MAGI2: variants seen among roughly 807,000 people sequenced by gnomAD.
MAGI2 encodes membrane-associated guanylate kinase, WW and PDZ domain-containing protein 2.
A neutral mutation model predicts 133.3 loss-of-function variants in MAGI2; 35 were observed. The ratio of observed to expected loss-of-function variants is 0.26; its 90% CI spans 0.20 to 0.35. MAGI2 has a LOEUF of 0.35. MAGI2 is among the 10% of genes least tolerant of loss of function. The pLI, the probability that MAGI2 is intolerant of heterozygous loss-of-function variation, is 1.00. For synonymous variants in MAGI2, 729 were observed against 710.6 expected (o/e 1.03, Z -0.41); for missense variants, 1,636 against 1,863.4 (o/e 0.88, Z 2.25).
intron 1 of MAGI2, among the ~76,000 whole-genome samples, chr7:79,192,546 T>C (rs560080014): frequency 6.6e-6 from 1 of 151,860 alleles, no homozygotes; most frequent in African/African-American, 2.4e-5. Context: ...CATAAAGTGG[T>C]TAGAAAAGGC....
intron 2 of MAGI2, chr7:78,946,979 C>T (rs1422282856): frequency 6.6e-6 from 1 of 151,926 alleles, no homozygotes; most frequent in Non-Finnish European, 1.5e-5. Context: ...TATAATTAAC[C>T]ATGGAAATTA....
chr7:79,020,739 C>T (rs1215840884), intron 1 of MAGI2, among the ~76,000 whole-genome samples: 1 of 146,358 alleles, frequency 6.8e-6, no homozygotes, highest in African/African-American at 2.5e-5. Context: ...GCACTGCAAC[C>T]TGGGTGACAG....
intron 2 of MAGI2, among the ~76,000 whole-genome samples, chr7:78,928,495 A>G (rs1214128078): frequency 6.6e-6 from 1 of 151,996 alleles, no homozygotes; most frequent in Admixed American, 6.6e-5. Context: ...TAATATTTAT[A>G]CACCCTTTTT....
At chr7:78,966,039 GTTGGTGGCA>G (rs1400645821) in intron 2 of MAGI2, among the ~76,000 whole-genome samples, 1 of 152,070 alleles carries the variant, frequency 6.6e-6, no homozygotes, top group Non-Finnish European at 1.5e-5. Context: ...TTCCCCAGAT[GTTGGTGGCA>G]TTCCCTGACT....
chr7:78,416,529 G>C (rs749932131), intron 6 of MAGI2, among the ~76,000 whole-genome samples: 3 of 152,108 alleles, frequency 2.0e-5, no homozygotes, highest in Non-Finnish European at 4.4e-5. Context: ...TTAAGTTATA[G>C]TAATTATAGT....
intron 1 of MAGI2, among the ~76,000 whole-genome samples, chr7:79,290,186 T>C (rs1289294137): frequency 6.6e-6 from 1 of 152,046 alleles, no homozygotes; most frequent in African/African-American, 2.4e-5. Context: ...TTGTTATTAT[T>C]GGTTACAATG....
At chr7:78,321,663 A>T (rs1788016577) in intron 9 of MAGI2, among the ~76,000 whole-genome samples, 1 of 152,190 alleles carries the variant, frequency 6.6e-6, no homozygotes, top group African/African-American at 2.4e-5. Context: ...AAATCATAAA[A>T]ACCCTAGAAG....
intron 3 of MAGI2, among the ~76,000 whole-genome samples, chr7:78,622,980 T>C (rs1807910056): frequency 6.6e-6 from 1 of 152,044 alleles, no homozygotes; most frequent in Non-Finnish European, 1.5e-5. Flanking sequence ...AAAAGGTGTC[T>C]GAAGAAGATT....
intron 9 of MAGI2, among the ~76,000 whole-genome samples, chr7:78,271,575 G>C (rs141743358): frequency 2.6e-5 from 4 of 152,096 alleles, no homozygotes; most frequent in African/African-American, 4.8e-5. Flanking sequence ...CTGTGAATCT[G>C]TCTGGTCCTG....
intron 9 of MAGI2, among the ~76,000 whole-genome samples, chr7:78,309,787 CT>C (rs1313905168): frequency 6.6e-6 from 1 of 152,190 alleles, no homozygotes; most frequent in Non-Finnish European, 1.5e-5. Context: ...GGCTTCCTGG[CT>C]GCATGATCTC....
intron 1 of MAGI2, among the ~76,000 whole-genome samples, chr7:79,040,236 T>A (rs1811529842): frequency 6.6e-6 from 1 of 151,996 alleles, no homozygotes; most frequent in South Asian, 2.1e-4. Context: ...CCTGCCACCT[T>A]GTGAAGAAGG....
rs1443691073 is a variant in MAGI2, at chr7:79,012,179, T to A, written c.302-4973A>T. 4 of 152,212 alleles carry A rather than the reference T, an allele frequency of 2.6e-5. No homozygotes were observed. In the East Asian group the frequency reaches 5.8e-4, roughly 22 times the overall value. 9.4% of individuals were successfully genotyped at this position (152,212 alleles called of 1,614,324 possible). On this transcript the variant is annotated intron_variant, in intron 1 of 21. Coordinates refer to ENST00000354212, the MANE Select transcript of MAGI2 (RefSeq NM_012301.4). ...GAAGAAATTACCCATAATTTCTCCC[T>A]CTTGGACATGCAGAATTATCCTGTT...
chr7:79,084,051 TAGTC>T (rs1203038275), intron 1 of MAGI2, among the ~76,000 whole-genome samples: 2 of 151,676 alleles, frequency 1.3e-5, no homozygotes, highest in East Asian at 3.9e-4. Context: ...TCTTCTTTCT[TAGTC>T]AGTTTACTTA....
intron 2 of MAGI2, among the ~76,000 whole-genome samples, chr7:78,653,729 A>G (rs562889022): frequency 6.6e-6 from 1 of 151,802 alleles, no homozygotes; most frequent in East Asian, 2.0e-4. Flanking sequence ...CACCTATGTA[A>G]TAAACCTGCA....
intron 21 of MAGI2, among the ~76,000 whole-genome samples, chr7:78,054,309 A>G (rs1384955490): frequency 2.0e-5 from 3 of 152,042 alleles, no homozygotes; most frequent in Non-Finnish European, 4.4e-5. Context: ...TATTTTTAGT[A>G]GAGATGGGGT....
intron 6 of MAGI2, among the ~76,000 whole-genome samples, chr7:78,450,301 A>G (rs1414522757): frequency 1.3e-5 from 2 of 152,084 alleles, no homozygotes; most frequent in African/African-American, 2.4e-5. Flanking sequence ...ACATTTTAGG[A>G]TATATTCTTT....
intron 1 of MAGI2, among the ~76,000 whole-genome samples, chr7:79,083,307 T>A (rs973802876): frequency 8.9e-5 from 13 of 145,862 alleles, no homozygotes; most frequent in African/African-American, 2.2e-4. Flanking sequence ...GATGTTATTT[T>A]TTTTTTTTTT....
rs188316783 is a variant in MAGI2 at position 79,026,677 on chromosome 7, A to T, written c.302-19471T>A. ...TGCCTGAGCTCAGGAGTTCGAGAGC[A>T]GCCTGGCCAACATGATGAAACCCCG... On this transcript the variant is annotated intron_variant, in intron 1 of 21. Transcript: ENST00000354212. Among the ~76,000 whole-genome samples, 147 of 152,214 alleles carry T rather than the reference A, an allele frequency of 9.7e-4. 1 individual carries two copies. Among genetic ancestry groups the T allele is most frequent in the Admixed American group, 1.8e-3 (28 of 15,290 alleles).
chr7:79,081,660 C>T (rs1182331353), intron 1 of MAGI2, among the ~76,000 whole-genome samples: 1 of 152,068 alleles, frequency 6.6e-6, no homozygotes, highest in Non-Finnish European at 1.5e-5. Context: ...GCTAAGAGTG[C>T]AATTAACAAA....
Sources: gnomAD v4.1 joint callset for allele counts (sites outside exome capture counted in the v4.1 genomes callset) on GRCh38, gnomAD v4.1.1 for gene constraint, MANE v1.5 for transcripts, NCBI Gene and HGNC (gene_info 2026-07-23, HGNC 2026-07-21) for gene names.